Variants in PTPRS observed in about 807,000 individuals in gnomAD.
PTPRS encodes the protein protein tyrosine phosphatase receptor type S.
Under a neutral mutation model 215.3 loss-of-function variants are expected in PTPRS, and 63 were observed. That is an observed-to-expected ratio of 0.29 (90% CI 0.24 to 0.36). The LOEUF (loss-of-function observed/expected upper bound fraction) is 0.36, where lower values mean the gene tolerates loss of function less well. PTPRS is among the 10% of genes least tolerant of loss of function. PTPRS has a pLI of 1.00. For synonymous variants in PTPRS, 1,404 were observed against 1,191.4 expected, an observed-to-expected ratio of 1.18 and a Z score of -3.68; for missense variants, 2,258 against 2,825.8, an observed-to-expected ratio of 0.80 and a Z score of 4.56.
chr19:5,305,730 G>A (rs12980156), intron 1 of PTPRS, among the ~76,000 whole-genome samples: 23,920 of 126,912 alleles, frequency 0.19, 2,624 homozygotes, highest in Non-Finnish European at 0.26. Flanking sequence ...CCCCGTCTCT[G>A]AAAAATAAAT....
chr19:5,255,780 A>T (rs1009039474), intron 9 of PTPRS, among the ~76,000 whole-genome samples: 2 of 152,154 alleles, frequency 1.3e-5, no homozygotes, highest in Non-Finnish European at 2.9e-5. Context: ...AGTGCAAAAA[A>T]CTTAGCAACA....
intron 28 of PTPRS, among the ~76,000 whole-genome samples, 196 bp from the exon 29 acceptor site, chr19:5,214,932 C>T (rs1253227470): frequency 6.6e-6 from 1 of 152,262 alleles, no homozygotes; most frequent in Non-Finnish European, 1.5e-5. Flanking sequence ...GTGGCGGGGC[C>T]ATTCTGGGCA....
rs2147035099 is a variant in PTPRS at position 5,293,762 on chromosome 19, G to A, written c.-94-7528C>T. ...ACCAGAGGGTAGGGGAGAGGTGCGG[G>A]CGCAGAGGCTTCCCTCCCGCTGGGG... is the stretch of plus-strand genomic sequence containing the variant. On this transcript the variant is annotated intron_variant, in intron 1 of 37. Coordinates refer to ENST00000262963, the MANE Select transcript of PTPRS (RefSeq NM_002850.4). This position sits in a 1 kb window ranked among gnomAD's most constrained non-coding sequence, Gnocchi z 8.4. Among the ~76,000 whole-genome samples the A allele has an allele frequency of 6.6e-6, 1 of 152,288 alleles. No homozygotes were observed. The highest frequency in any genetic ancestry group is 2.1e-4 in the South Asian group (1 of 4,830).
intron 1 of PTPRS, among the ~76,000 whole-genome samples, chr19:5,288,112 T>C (rs998435774): frequency 3.3e-5 from 5 of 150,220 alleles, no homozygotes; most frequent in Non-Finnish European, 7.4e-5. Context: ...ACATAAGGGG[T>C]CATGGTGGGG....
At chr19:5,314,200 T>C (rs1420700611) in intron 1 of PTPRS, among the ~76,000 whole-genome samples, 1 of 152,174 alleles carries the variant, frequency 6.6e-6, no homozygotes. Context: ...CCTTGAACAC[T>C]GTGTGACCTT....
chr19:5,223,332 C>A (rs758124737), intron 17 of PTPRS, 35 bp from the exon 18 acceptor site: 16 of 1,427,282 alleles, frequency 1.1e-5, no homozygotes, highest in Admixed American at 2.9e-5. Flanking sequence ...AGGGTCCCAG[C>A]GCCATCCGCC....
chr19:5,206,923 CA>C, intron 37 of PTPRS, 81 bp from the exon 38 acceptor site: 8 of 1,296,564 alleles, frequency 6.2e-6, no homozygotes, highest in Non-Finnish European at 8.9e-6. Context: ...AGGAGCAGGC[CA>C]AGCTCCTCAG....
intron 1 of PTPRS, among the ~76,000 whole-genome samples, chr19:5,324,282 G>A (rs1027646077): frequency 1.3e-5 from 2 of 150,650 alleles, no homozygotes; most frequent in South Asian, 2.1e-4. Flanking sequence ...AAGCTGGCCT[G>A]TGTACAGTAC....
intron 14 of PTPRS, among the ~76,000 whole-genome samples, chr19:5,230,190 C>A (rs921411769): frequency 2.1e-4 from 32 of 152,314 alleles, no homozygotes; most frequent in African/African-American, 7.7e-4. Flanking sequence ...CAGGGTTTGG[C>A]ATAAAGAAGA....
rs1189975118 is a variant in PTPRS, at chr19:5,338,231, T to C, written c.-95+2433A>G. On this transcript the variant is annotated intron_variant, in intron 1 of 37. Transcript: ENST00000262963. The surrounding 1 kb of genome is among the most constrained non-coding windows in gnomAD (Gnocchi z 4.2). Reference sequence around the variant, plus strand: ...ATGTCATCGGCCAGGGTGGCAGAAATAGAAAAGTGCGTGAGCTCACCAGGC... The same window carrying C: ...ATGTCATCGGCCAGGGTGGCAGAAACAGAAAAGTGCGTGAGCTCACCAGGC... 6.6e-6 allele frequency among the ~76,000 whole-genome samples: 1 copy of C among 152,040 alleles called. No homozygotes were observed. The highest frequency in any genetic ancestry group is 1.5e-5 in the Non-Finnish European group (1 of 67,990).
chr19:5,243,178 C>T (rs2044195256), intron 11 of PTPRS, among the ~76,000 whole-genome samples: 1 of 151,510 alleles, frequency 6.6e-6, no homozygotes, highest in African/African-American at 2.4e-5. Flanking sequence ...ACTTGTCGCC[C>T]AGGCTGGATG....
chr19:5,330,468 T>C (rs1169440356), intron 1 of PTPRS, among the ~76,000 whole-genome samples: 4 of 152,230 alleles, frequency 2.6e-5, no homozygotes, highest in Non-Finnish European at 5.9e-5. Context: ...AGTTCTCCTC[T>C]GTTGCAGCTG....
At chr19:5,323,168 C>A (rs138565475) in intron 1 of PTPRS, among the ~76,000 whole-genome samples, 4,662 of 152,028 alleles carry the variant, frequency 0.031, 95 homozygotes, top group South Asian at 0.084. Context: ...ACCAGCCTGA[C>A]CAACATGGCA....
At chr19:5,236,635 C>T (rs1239740195) in intron 13 of PTPRS, among the ~76,000 whole-genome samples, 1 of 152,142 alleles carries the variant, frequency 6.6e-6, no homozygotes, top group East Asian at 1.9e-4. Flanking sequence ...AACCCAGAGA[C>T]GAATCCTGTC....
intron 13 of PTPRS, among the ~76,000 whole-genome samples, chr19:5,238,335 T>C (rs1434388131): frequency 2.0e-5 from 3 of 152,122 alleles, no homozygotes; most frequent in Non-Finnish European, 2.9e-5. Context: ...AGTGGGGACC[T>C]GCATGCCCCC....
At chr19:5,218,894 C>A (rs374477452) in intron 23 of PTPRS, 96 bp from the exon 24 acceptor site, 10 of 1,258,124 alleles carry the variant, frequency 7.9e-6, no homozygotes, top group Admixed American at 4.6e-5. Flanking sequence ...ACTCTCAGTG[C>A]CTTCCTTAAC....
At chr19:5,291,885 G>A (rs1260061875) in intron 1 of PTPRS, among the ~76,000 whole-genome samples, 2 of 151,194 alleles carry the variant, frequency 1.3e-5, no homozygotes, top group Non-Finnish European at 2.9e-5. Context: ...AACCCCCCAT[G>A]CCAGGCTTCC....
chr19:5,261,002 C>T (rs1375585808), intron 6 of PTPRS, among the ~76,000 whole-genome samples, 180 bp from the exon 7 acceptor site: 1 of 152,016 alleles, frequency 6.6e-6, no homozygotes, highest in East Asian at 1.9e-4. Context: ...CTAGGAGAGG[C>T]CTCCTAGGAG....
At chr19:5,258,612 A>G (rs1021673137) in intron 7 of PTPRS, among the ~76,000 whole-genome samples, 14 of 152,180 alleles carry the variant, frequency 9.2e-5, no homozygotes, top group African/African-American at 3.4e-4. Context: ...CCCGTGAGTA[A>G]ATGAACATGG....
Sources: gnomAD v4.1 joint callset for allele counts (sites outside exome capture counted in the v4.1 genomes callset) on GRCh38, gnomAD v4.1.1 for gene constraint, Gnocchi (gnomAD v3.1) non-coding constraint, MANE v1.5 for transcripts, NCBI Gene and HGNC (gene_info 2026-07-23, HGNC 2026-07-21) for gene names.